The following KIAA1755 variants were observed in gnomAD, a reference collection of about 807,000 sequenced individuals.
KIAA1755 encodes the protein KIAA1755, also known as uncharacterized protein KIAA1755.
KIAA1755 carries 68 observed loss-of-function variants against 91.7 expected under a neutral mutation model. The ratio of observed to expected loss-of-function variants is 0.74; its 90% confidence interval spans 0.61 to 0.91. The LOEUF (loss-of-function observed/expected upper bound fraction) is 0.91. KIAA1755 is among the 40% of genes least tolerant of loss of function. The probability of loss-of-function intolerance (pLI) is 0.00; values close to 1 mark genes in which losing one functional copy is unlikely to be tolerated. For missense variants in KIAA1755, 1,535 were observed against 1,494.4 expected, an observed-to-expected ratio of 1.03 and a Z score of -0.45; for synonymous variants, 610 against 604.6, an observed-to-expected ratio of 1.01 and a Z score of -0.13.
chr20:38,245,216 T>C (rs2076135596), intron 2 of KIAA1755, among the ~76,000 whole-genome samples: 1 of 152,196 alleles, frequency 6.6e-6, no homozygotes, highest in Admixed American at 6.5e-5. Context: ...GGAAAGAGTT[T>C]ATTTTCCTCT....
chr20:38,219,802 G>A (rs1401929642), intron 10 of KIAA1755, 34 bp from the exon 11 acceptor site: 1 of 1,612,636 alleles, frequency 6.2e-7, no homozygotes, highest in African/African-American at 1.3e-5. Flanking sequence ...AAAGGCCTCT[G>A]TTGCCCTCTT....
At position 38,240,816 on chromosome 20, in the gene KIAA1755, T is replaced by C; in HGVS notation, c.1315A>G (p.Ile439Val). 6.2e-7 allele frequency: 1 copy of C among 1,613,902 alleles called. No homozygotes were observed. The highest frequency in any genetic ancestry group is 1.3e-5 in the African/African-American group (1 of 75,050). ...SPAAAASETK[I>V]EVKTKERNGR... ...TTTCTCTCTTTGGTCTTCACCTCTATCTTTGTTTCAGAGGCTGCAGCTGCA... is the reference window on the plus strand; with the variant it reads ...TTTCTCTCTTTGGTCTTCACCTCTACCTTTGTTTCAGAGGCTGCAGCTGCA... The change falls in exon 3 of 14, where the codon ATA (isoleucine) becomes GTA (valine). Residue 439 changes from isoleucine to valine, a missense_variant. By Grantham distance (29) the Ile-to-Val change is conservative (BLOSUM62 3). Coordinates refer to ENST00000279024, the MANE Select transcript of KIAA1755 (RefSeq NM_001029864.2).
intron 1 of KIAA1755, among the ~76,000 whole-genome samples, chr20:38,246,347 G>C (rs532250898): frequency 2.0e-5 from 3 of 152,110 alleles, no homozygotes; most frequent in Non-Finnish European, 4.4e-5. Context: ...TGCACTGGCT[G>C]TTCCCTCTGC....
rs2075492946 is a variant in KIAA1755, at chr20:38,213,652, A to C, written c.2993T>G (p.Leu998Arg). 6.2e-7 allele frequency: 1 copy of C among 1,607,900 alleles called. No individual in the cohort carries two copies. Among genetic ancestry groups the C allele is most frequent in the South Asian group, 1.1e-5 (1 of 90,186 alleles). ...TGCCAGTCGCTGCAGGTAGCGGTGG[A>C]GGCGGCGCTGGTCCCCAGGACTGAC... ...SRVSPGDQRR[L>R]HRYLQRLASE... The change falls in exon 14 of 14, where the codon CTC becomes CGC. Residue 998 changes from leucine to arginine, a missense_variant. By Grantham distance (102) the Leu-to-Arg change is moderately radical. Coordinates refer to ENST00000279024, the MANE Select transcript of KIAA1755 (RefSeq NM_001029864.2).
intron 11 of KIAA1755, among the ~76,000 whole-genome samples, chr20:38,219,384 C>T (rs112353347): frequency 2.6e-5 from 4 of 152,228 alleles, no homozygotes; most frequent in African/African-American, 9.6e-5. Flanking sequence ...TGGCCCAGGG[C>T]TTGGCACAGA....
At chr20:38,227,371 G>C in intron 6 of KIAA1755, 131 bp from the exon 7 acceptor site, 1 of 587,014 alleles carries the variant, frequency 1.7e-6, no homozygotes, top group Non-Finnish European at 3.0e-6. Context: ...GTCCCTCCAT[G>C]ACTGGAATCT....
At chr20:38,254,427 A>C (rs537411576) in intron 1 of KIAA1755, among the ~76,000 whole-genome samples, 1 of 152,120 alleles carries the variant, frequency 6.6e-6, no homozygotes, top group Admixed American at 6.5e-5. Flanking sequence ...TTCCCCACCT[A>C]TAAAAGGGAG....
rs1221375932 is a variant in KIAA1755 at position 38,241,241 on chromosome 20, G to T, written c.890C>A (p.Ser297Tyr). Reference protein sequence around the residue: ...GESPSREAGTSSGCTSGALEE... With the variant: ...GESPSREAGTYSGCTSGALEE... ...TAGTGCCCCAGAAGTACACCCACTGGATGTGCCTGCCTCCCTACTGGGAGA... is the reference window on the plus strand; with the variant it reads ...TAGTGCCCCAGAAGTACACCCACTGTATGTGCCTGCCTCCCTACTGGGAGA... The change falls in exon 3 of 14, where the codon TCC becomes TAC. Residue 297 changes from serine (S) to tyrosine (Y), a missense_variant. Transcript: ENST00000279024. 1 of 1,614,150 alleles carries T rather than the reference G, an allele frequency of 6.2e-7. No individual in the cohort carries two copies. The highest frequency in any genetic ancestry group is 1.1e-5 in the South Asian group (1 of 91,078).
At chr20:38,242,644 G>A (rs979402025) in intron 2 of KIAA1755, among the ~76,000 whole-genome samples, 4 of 152,120 alleles carry the variant, frequency 2.6e-5, no homozygotes, top group Admixed American at 2.6e-4. Context: ...ATAATAAAGT[G>A]TTGAACATCT....
chr20:38,247,369 C>T (rs1029003776), intron 1 of KIAA1755, among the ~76,000 whole-genome samples: 3 of 152,088 alleles, frequency 2.0e-5, no homozygotes, highest in Non-Finnish European at 2.9e-5. Flanking sequence ...TTGCTCACCT[C>T]GAGGCCACCG....
chr20:38,242,548 T>C (rs1173998042), intron 2 of KIAA1755, among the ~76,000 whole-genome samples: 3 of 152,258 alleles, frequency 2.0e-5, no homozygotes, highest in Non-Finnish European at 4.4e-5. Flanking sequence ...CATCATAGCT[T>C]ATTTAGACTA....
At chr20:38,249,869 C>G (rs1176212831) in intron 1 of KIAA1755, among the ~76,000 whole-genome samples, 1 of 151,996 alleles carries the variant, frequency 6.6e-6, no homozygotes, top group Non-Finnish European at 1.5e-5. Context: ...GCAGTCCCTT[C>G]CCCTGCCAGG....
rs772209167 is a variant in KIAA1755 at position 38,241,099 on chromosome 20, C to T, written c.1032G>A (p.Glu344=). 6.2e-7 allele frequency: 1 copy of T among 1,614,118 alleles called. No individual in the cohort carries two copies. Among genetic ancestry groups the T allele is most frequent in the Non-Finnish European group, 8.5e-7 (1 of 1,179,998 alleles). Residue 344 remains glutamate (E), a synonymous_variant, in exon 3 of 14, where the codon GAG becomes GAA. Coordinates refer to ENST00000279024, the MANE Select transcript of KIAA1755 (RefSeq NM_001029864.2). ...TGAAGCCCAAATTATAGGGCCTCTCCTCAGAGCTTTCTGGCTTTGTGCAAG... is the reference window on the plus strand; with the variant it reads ...TGAAGCCCAAATTATAGGGCCTCTCTTCAGAGCTTTCTGGCTTTGTGCAAG... ...NRACTKPESS[E]ERPYNLGFRR...
chr20:38,215,608 G>T (rs1356337468), intron 13 of KIAA1755, among the ~76,000 whole-genome samples: 5 of 152,224 alleles, frequency 3.3e-5, no homozygotes, highest in Admixed American at 3.3e-4. Flanking sequence ...TGTGTGAGCT[G>T]AGAGCGGAAG....
chr20:38,229,696 T>A (rs1003583725), intron 5 of KIAA1755, among the ~76,000 whole-genome samples: 5 of 152,156 alleles, frequency 3.3e-5, no homozygotes, highest in African/African-American at 7.2e-5. Flanking sequence ...ACAGTTTACA[T>A]CCTCTACACC....
chr20:38,213,768 T>G lies in KIAA1755; in HGVS notation c.2902-25A>C, dbSNP rs201956566. 56 of 1,424,684 alleles carry G rather than the reference T, an allele frequency of 3.9e-5. No homozygotes were observed. The East Asian group carries it at 1.3e-3, about 34-fold the overall frequency. 88.3% of individuals were successfully genotyped at this position (1,424,684 alleles called of 1,614,324 possible). A position where few individuals can be genotyped will look rare whatever the true frequency, so the allele number is the denominator to read the frequency against. On this transcript the variant is annotated intron_variant, in intron 13 of 13. Coordinates refer to ENST00000279024, the MANE Select transcript of KIAA1755 (RefSeq NM_001029864.2). ...TCTGGGGGACAAGAAGAGAGGGAGG[T>G]GGGGGCTCAGGCTGGAAGTGGGACC...
At chr20:38,256,256 C>T (rs893767638) in intron 1 of KIAA1755, among the ~76,000 whole-genome samples, 2 of 152,174 alleles carry the variant, frequency 1.3e-5, no homozygotes, top group African/African-American at 4.8e-5. Context: ...GCTCAACAAC[C>T]TCGGGTGGCT....
In KIAA1755 at chr20:38,230,846, T is replaced by C. The variant is rs373113713; in HGVS notation, c.1871+356A>G. On this transcript the variant is annotated intron_variant, in intron 5 of 13. Coordinates refer to ENST00000279024, the MANE Select transcript of KIAA1755 (RefSeq NM_001029864.2). Reference sequence around the variant, plus strand: ...GAGATTGCAGTGAGCTGAGATTGCATTGTTGCACTCCAGTCTGGGCAACAA... The same window carrying C: ...GAGATTGCAGTGAGCTGAGATTGCACTGTTGCACTCCAGTCTGGGCAACAA... Among the ~76,000 whole-genome samples the C allele has an allele frequency of 6.6e-5, 10 of 151,866 alleles. No homozygotes were observed. The East Asian group carries it at 1.5e-3, about 23-fold the overall frequency.
Position 38,210,837 on chromosome 20 carries a change from G to A in KIAA1755, c.*2205C>T, listed in dbSNP as rs866706378. 1 of 152,170 alleles carries A rather than the reference G, an allele frequency of 6.6e-6. No individual in the cohort carries two copies. Among genetic ancestry groups the A allele is most frequent in the Non-Finnish European group, 1.5e-5 (1 of 68,040 alleles). The allele number at this position is 152,170 out of a possible 1,614,324, so 9.4% of individuals were successfully genotyped here. ...TGGCAACAGCATTTTAAAAGCCGTC[G>A]GCCCTCTCTGAGGCAACAGGCATGG... On this transcript the variant is annotated 3_prime_UTR_variant, in exon 14 of 14. Transcript: ENST00000279024.
Sources: allele counts gnomAD v4.1 joint callset (sites outside exome capture counted in the v4.1 genomes callset), GRCh38; gene constraint gnomAD v4.1.1; transcripts MANE v1.5; gene names NCBI Gene and HGNC (gene_info 2026-07-23, HGNC 2026-07-21).